NFASC: variants seen among roughly 807,000 people sequenced by gnomAD.
The protein encoded by NFASC is neurofascin.
Under a neutral mutation model 147.5 loss-of-function variants are expected in NFASC, and 43 were observed. The observed-to-expected ratio is 0.29, with a 90% CI of 0.23 to 0.38. The LOEUF (loss-of-function observed/expected upper bound fraction) is 0.38. Among genes scored for constraint, NFASC ranks in the 10% least tolerant of loss-of-function variants. The pLI is 1.00. For missense variants in NFASC, 1,320 were observed against 1,689.0 expected (o/e 0.78, Z 3.83); for synonymous variants, 622 against 665.5 (o/e 0.93, Z 1.01).
intron 3 of NFASC, 134 bp downstream of exon 3, chr1:204,944,540 C>A: frequency 1.3e-6 from 1 of 748,114 alleles, no homozygotes; most frequent in Non-Finnish European, 2.1e-6. Context: ...TTCTGAGATT[C>A]AGAGCTGGGT....
intron 8 of NFASC, among the ~76,000 whole-genome samples, chr1:204,967,418 G>GA (rs1221103411): frequency 6.6e-6 from 1 of 152,122 alleles, no homozygotes; most frequent in African/African-American, 2.4e-5. Context: ...CTTCTACAGG[G>GA]AAACAGCCAT....
intron 1 of NFASC, among the ~76,000 whole-genome samples, chr1:204,833,699 C>G (rs537270894): frequency 4.5e-4 from 68 of 152,294 alleles, no homozygotes; most frequent in African/African-American, 1.5e-3. Context: ...ATTGGTGCCT[C>G]AGACCTGGGA....
chr1:204,962,260 G>T, intron 8 of NFASC: 1 of 1,021,528 alleles, frequency 9.8e-7, no homozygotes, highest in South Asian at 1.4e-5. Context: ...GGTGGCAGCT[G>T]GCCCAGCCAG....
chr1:205,004,651 T>A (rs954262305), intron 27 of NFASC, among the ~76,000 whole-genome samples: 8 of 152,238 alleles, frequency 5.3e-5, no homozygotes, highest in African/African-American at 1.7e-4. Context: ...ACATTCTCTT[T>A]CCTGTGGATG....
chr1:204,903,351 C>G (rs1448979568), intron 1 of NFASC, among the ~76,000 whole-genome samples: 1 of 152,286 alleles, frequency 6.6e-6, no homozygotes, highest in East Asian at 1.9e-4. Flanking sequence ...AGTCATGCCT[C>G]TTTTGAACGA....
chr1:204,944,961 C>T (rs755547957), intron 3 of NFASC: 1 of 152,300 alleles, frequency 6.6e-6, no homozygotes, highest in African/African-American at 2.4e-5. Context: ...ATTATCATGC[C>T]GCATGGGAGA....
At chr1:204,943,828 G>A (rs1463414377) in intron 2 of NFASC, among the ~76,000 whole-genome samples, 3 of 152,178 alleles carry the variant, frequency 2.0e-5, no homozygotes, top group African/African-American at 7.2e-5. Context: ...GGGCCTGCAG[G>A]CCAATAGGCC....
chr1:204,939,342 A>G (rs975771768), intron 2 of NFASC, among the ~76,000 whole-genome samples: 5 of 152,078 alleles, frequency 3.3e-5, no homozygotes, highest in African/African-American at 4.8e-5. Context: ...CACTAATGGT[A>G]TTGTGGCACG....
intron 1 of NFASC, among the ~76,000 whole-genome samples, chr1:204,846,534 C>T (rs935504714): frequency 2.6e-5 from 4 of 152,120 alleles, no homozygotes; most frequent in African/African-American, 9.7e-5. Flanking sequence ...TAGTTCTCTC[C>T]TGGGCCTCTG....
chr1:204,835,426 A>G (rs1673465308), intron 1 of NFASC, among the ~76,000 whole-genome samples: 1 of 151,814 alleles, frequency 6.6e-6, no homozygotes, highest in Admixed American at 6.6e-5. Context: ...TGGGGGTTTC[A>G]CCATGTTGGC....
At chr1:204,878,573 A>G (rs2079498311) in intron 1 of NFASC, among the ~76,000 whole-genome samples, 1 of 152,212 alleles carries the variant, frequency 6.6e-6, no homozygotes, top group African/African-American at 2.4e-5. Context: ...TTATAATTAA[A>G]GTTTTGTTGT....
chr1:204,843,553 C>T (rs1234587654), intron 1 of NFASC, among the ~76,000 whole-genome samples: 1 of 151,776 alleles, frequency 6.6e-6, no homozygotes, highest in Admixed American at 6.6e-5. Context: ...CCAGGTCTGT[C>T]TCTCTCTCTC....
chr1:204,915,960 T>A (rs550811252), intron 1 of NFASC, among the ~76,000 whole-genome samples: 7 of 152,214 alleles, frequency 4.6e-5, no homozygotes, highest in Non-Finnish European at 8.8e-5. Context: ...GTGTTGGAGC[T>A]GGTTAGCAAC....
chr1:204,998,505 T>A (rs2095897797), intron 25 of NFASC: 1 of 152,154 alleles, frequency 6.6e-6, no homozygotes, highest in African/African-American at 2.4e-5. Context: ...TGTTTTCAGT[T>A]CAATGACATA....
At chr1:204,835,524 C>T (rs770148327) in intron 1 of NFASC, among the ~76,000 whole-genome samples, 53 of 152,044 alleles carry the variant, frequency 3.5e-4, no homozygotes, top group Admixed American at 2.6e-3. Flanking sequence ...CCACTGCGCC[C>T]GGCTGGTGGG....
At chr1:204,951,153 T>A (rs1273404668) in intron 4 of NFASC, among the ~76,000 whole-genome samples, 3 of 146,280 alleles carry the variant, frequency 2.1e-5, no homozygotes, top group African/African-American at 7.6e-5. Flanking sequence ...CTATGGGATT[T>A]TTTTTTTTTT....
chr1:204,950,622 G>A, intron 4 of NFASC, 48 bp downstream of exon 4: 1 of 1,583,362 alleles, frequency 6.3e-7, no homozygotes, highest in Non-Finnish European at 8.7e-7. Context: ...TGGGAGGGAG[G>A]AATGAGGCAT....
At chr1:204,960,085 C>T (rs561449151) in intron 8 of NFASC, among the ~76,000 whole-genome samples, 1 of 152,298 alleles carries the variant, frequency 6.6e-6, no homozygotes, top group African/African-American at 2.4e-5. Flanking sequence ...CTCTACTTTC[C>T]TGTCTGGAGA....
chr1:204,955,732 C>T (rs1001672879), intron 7 of NFASC, among the ~76,000 whole-genome samples: 5 of 152,092 alleles, frequency 3.3e-5, no homozygotes, highest in African/African-American at 9.7e-5. Context: ...CCTCCCTTCC[C>T]GCCTACCTGT....
Sources: allele counts gnomAD v4.1 joint callset (sites outside exome capture counted in the v4.1 genomes callset), GRCh38; gene constraint gnomAD v4.1.1; transcripts MANE v1.5; gene names NCBI Gene and HGNC (gene_info 2026-07-23, HGNC 2026-07-21).